SH2D4A: variants seen among roughly 807,000 people sequenced by gnomAD.
SH2D4A encodes SH2 domain-containing protein 4A.
In SH2D4A, 70 loss-of-function variants were observed where a neutral mutation model predicts 64.7. The observed-to-expected ratio is 1.08, with a 90% CI of 0.89 to 1.32. The LOEUF (loss-of-function observed/expected upper bound fraction) is 1.32. SH2D4A is among the 40% of genes most tolerant of loss of function. The pLI is 0.00. For synonymous variants in SH2D4A, 268 were observed against 200.7 expected (o/e 1.34, Z -2.83); for missense variants, 706 against 540.1 (o/e 1.31, Z -3.04).
chr8:19,386,388 A>T (rs925048209), intron 8 of SH2D4A, among the ~76,000 whole-genome samples: 26 of 152,368 alleles, frequency 1.7e-4, no homozygotes, highest in African/African-American at 5.5e-4. Flanking sequence ...AAATTAGTGC[A>T]GCAGGCTTCC....
intron 8 of SH2D4A, among the ~76,000 whole-genome samples, chr8:19,378,594 C>G (rs1015539285): frequency 6.6e-6 from 1 of 152,108 alleles, no homozygotes; most frequent in Non-Finnish European, 1.5e-5. Flanking sequence ...TGCCACCATG[C>G]CCTGCTAACT....
chr8:19,348,814 G>A (rs1286096540), intron 4 of SH2D4A, among the ~76,000 whole-genome samples: 2 of 152,188 alleles, frequency 1.3e-5, no homozygotes, highest in African/African-American at 2.4e-5. Context: ...TGAGTACCGA[G>A]CTTGGTGAGT....
At chr8:19,353,677 T>TC in intron 4 of SH2D4A, among the ~76,000 whole-genome samples, 1 of 144,516 alleles carries the variant, frequency 6.9e-6, no homozygotes, top group South Asian at 2.2e-4. Flanking sequence ...TCTAGCTGTT[T>TC]TTTTTTTTTT....
At position 19,323,218 on chromosome 8, in the gene SH2D4A, C is replaced by T. The variant is rs139768599; in HGVS notation, c.181+3490C>T. Among the ~76,000 whole-genome samples the T allele has an allele frequency of 1.6e-3, 236 of 152,018 alleles. 2 individuals are homozygous for T. The highest frequency in any genetic ancestry group is 5.5e-3 in the African/African-American group (227 of 41,492). On this transcript the variant is annotated intron_variant, in intron 2 of 9. Coordinates refer to ENST00000265807, the MANE Select transcript of SH2D4A (RefSeq NM_022071.4). ...CTTGAGCACAGGAAATGAGGCTAGT[C>T]TGGATTGAGGTGTGCTATACATGTA...
intron 2 of SH2D4A, among the ~76,000 whole-genome samples, chr8:19,323,529 C>T (rs992712785): frequency 5.3e-5 from 8 of 151,818 alleles, no homozygotes; most frequent in Non-Finnish European, 7.4e-5. Flanking sequence ...TACAGGTGTG[C>T]GCCAGCACAC....
At chr8:19,394,518 C>A (rs779966815) in intron 9 of SH2D4A, 32 bp from the exon 10 acceptor site, 4 of 1,495,676 alleles carry the variant, frequency 2.7e-6, no homozygotes, top group East Asian at 2.3e-5. Context: ...TCACTACTTA[C>A]ACTATCTGAC....
intron 4 of SH2D4A, among the ~76,000 whole-genome samples, chr8:19,343,529 G>A (rs908640904): frequency 3.9e-5 from 6 of 152,138 alleles, no homozygotes; most frequent in African/African-American, 1.4e-4. Context: ...AATGACATGA[G>A]ATAACATATT....
chr8:19,327,829 C>T (rs1339508599), intron 2 of SH2D4A, among the ~76,000 whole-genome samples: 3 of 152,184 alleles, frequency 2.0e-5, no homozygotes, highest in Non-Finnish European at 4.4e-5. Flanking sequence ...ACGCTGACTG[C>T]CGACACCAGT....
At chr8:19,314,197 C>T in intron 1 of SH2D4A, 4 of 761,690 alleles carry the variant, frequency 5.3e-6, no homozygotes, top group African/African-American at 1.9e-5. Flanking sequence ...CAGGGACACG[C>T]GGCGCGTGCT....
chr8:19,365,387 A>G (rs1380446953), intron 7 of SH2D4A, among the ~76,000 whole-genome samples: 2 of 152,214 alleles, frequency 1.3e-5, no homozygotes, highest in Non-Finnish European at 2.9e-5. Context: ...TCTCTTACCG[A>G]CAACAAAGCA....
Sources: gnomAD v4.1 joint callset for allele counts (sites outside exome capture counted in the v4.1 genomes callset) on GRCh38, gnomAD v4.1.1 for gene constraint, MANE v1.5 for transcripts, NCBI Gene and HGNC (gene_info 2026-07-23, HGNC 2026-07-21) for gene names.